The following NR3C2 variants were observed in gnomAD, a reference collection of about 807,000 sequenced individuals.
The protein encoded by NR3C2 is nuclear receptor subfamily 3 group C member 2.
Under a neutral mutation model 86.4 loss-of-function variants are expected in NR3C2, and 15 were observed. The observed-to-expected ratio is 0.17, with a 90% CI of 0.12 to 0.27. The LOEUF is 0.27. Ranked by LOEUF, NR3C2 falls within the 10% of genes least tolerant of loss-of-function variation. The pLI is 1.00. For synonymous variants in NR3C2, 458 were observed against 450.5 expected (o/e 1.02, Z -0.21); for missense variants, 960 against 1,195.6 (o/e 0.80, Z 2.91).
At chr4:148,383,952 G>GAAAA (rs60506239) in intron 2 of NR3C2, among the ~76,000 whole-genome samples, 73 of 120,166 alleles carry the variant, frequency 6.1e-4, no homozygotes, top group Non-Finnish European at 8.5e-4. Context: ...TGTCTCAGGG[G>GAAAA]AAAAAAAAAA....
At chr4:148,286,524 G>C (rs925534051) in intron 2 of NR3C2, among the ~76,000 whole-genome samples, 9 of 152,194 alleles carry the variant, frequency 5.9e-5, no homozygotes, top group African/African-American at 2.2e-4. Context: ...AATTCATTAA[G>C]TAAAATAGCC....
At chr4:148,292,168 T>C in intron 2 of NR3C2, among the ~76,000 whole-genome samples, 1 of 152,028 alleles carries the variant, frequency 6.6e-6, no homozygotes, top group Non-Finnish European at 1.5e-5. Context: ...GTCTTTTTTT[T>C]ATGTTTCCAA....
At chr4:148,142,224 C>G (rs1006348174) in intron 6 of NR3C2, among the ~76,000 whole-genome samples, 2 of 152,152 alleles carry the variant, frequency 1.3e-5, no homozygotes, top group African/African-American at 4.8e-5. Context: ...GCTGGCAATG[C>G]AAAGGTAAAT....
intron 8 of NR3C2, among the ~76,000 whole-genome samples, chr4:148,110,043 A>G (rs1469895493): frequency 2.0e-5 from 3 of 152,242 alleles, no homozygotes; most frequent in African/African-American, 7.2e-5. Flanking sequence ...TTTCTAGTAG[A>G]GTAAGGATTC....
rs1002691763 is a variant in NR3C2 at position 148,135,648 on chromosome 4, C to T, written c.2511-15360G>A. 2.0e-5 allele frequency among the ~76,000 whole-genome samples: 3 copies of T among 151,966 alleles called. No homozygotes were observed. The South Asian group carries it at 6.2e-4, about 32-fold the overall frequency. ...TCATTCCTCTGAGTAATTTCTGCAA[C>T]TGAAATTTCACTGATTTTAAGACCA... is the stretch of plus-strand genomic sequence containing the variant. On this transcript the variant is annotated intron_variant, in intron 6 of 8. Transcript: ENST00000358102.
At chr4:148,434,721 C>T (rs1749953450) in intron 2 of NR3C2, among the ~76,000 whole-genome samples, 1 of 152,034 alleles carries the variant, frequency 6.6e-6, no homozygotes, top group African/African-American at 2.4e-5. Context: ...CACAAATAAA[C>T]TAACTTAAAG....
At chr4:148,089,810 G>A (rs932474299) in intron 8 of NR3C2, among the ~76,000 whole-genome samples, 15 of 152,264 alleles carry the variant, frequency 9.9e-5, no homozygotes, top group Non-Finnish European at 1.6e-4. Flanking sequence ...CAACTGCTGG[G>A]TGGGGATGCT....
intron 4 of NR3C2, among the ~76,000 whole-genome samples, chr4:148,172,318 T>C (rs1735165025): frequency 1.3e-5 from 2 of 152,130 alleles, no homozygotes; most frequent in African/African-American, 4.8e-5. Context: ...TTTAGTTAAG[T>C]AAGCATAATC....
chr4:148,239,011 C>T (rs1214977297), intron 3 of NR3C2, among the ~76,000 whole-genome samples: 1 of 152,124 alleles, frequency 6.6e-6, no homozygotes, highest in Non-Finnish European at 1.5e-5. Context: ...GCCCAACAGA[C>T]AGATGGGAGA....
At chr4:148,284,729 A>T (rs993225735) in intron 2 of NR3C2, among the ~76,000 whole-genome samples, 3 of 152,146 alleles carry the variant, frequency 2.0e-5, no homozygotes, top group Non-Finnish European at 4.4e-5. Flanking sequence ...CTGCCATCAG[A>T]TGGCACACTG....
At chr4:148,409,075 T>C (rs1291737555) in intron 2 of NR3C2, among the ~76,000 whole-genome samples, 2 of 152,124 alleles carry the variant, frequency 1.3e-5, no homozygotes, top group Non-Finnish European at 1.5e-5. Context: ...ATTATTCCCC[T>C]AGGATCGTTT....
chr4:148,138,269 GA>G, intron 6 of NR3C2, among the ~76,000 whole-genome samples: 1 of 152,290 alleles, frequency 6.6e-6, no homozygotes, highest in South Asian at 2.1e-4. Flanking sequence ...CATGATATCA[GA>G]AAGGAAGAAA....
In NR3C2 at chr4:148,134,641, CTCTTTTTTTTTT is replaced by C. The variant is rs1487539671; in HGVS notation, c.2511-14365_2511-14354del. 6.6e-5 allele frequency among the ~76,000 whole-genome samples: 4 copies of C among 60,966 alleles called. 1 individual carries two copies. The highest frequency in any genetic ancestry group is 1.1e-3 in the South Asian group (2 of 1,868). The allele number at this position is 60,966 out of a possible 152,430, so 40.0% of individuals were successfully genotyped here. ...TCCCTGTGATTCTCTCTCTCTCTCT[CTCTTTTTTTTTT>C]TTTTTTTTTTTTTTAGAGGGAGTCT... On this transcript the variant is annotated intron_variant, in intron 6 of 8. Transcript: ENST00000358102.
chr4:148,211,883 T>C (rs1212125492), intron 3 of NR3C2, among the ~76,000 whole-genome samples: 1 of 152,220 alleles, frequency 6.6e-6, no homozygotes, highest in Non-Finnish European at 1.5e-5. Context: ...CATCAATTAA[T>C]GGAATTTGTA....
intron 3 of NR3C2, among the ~76,000 whole-genome samples, chr4:148,214,029 T>C (rs1737409026): frequency 6.6e-6 from 1 of 152,158 alleles, no homozygotes; most frequent in African/African-American, 2.4e-5. Flanking sequence ...GTCACAGAGG[T>C]AATGGAGAGA....
Position 148,442,310 on chromosome 4 carries a change from G to A in NR3C2, c.-153C>T, listed in dbSNP as rs1055081132. 1.3e-5 allele frequency: 2 copies of A among 152,486 alleles called. No homozygotes were observed. Among genetic ancestry groups the A allele is most frequent in the African/African-American group, 2.4e-5 (1 of 41,460 alleles). 9.4% of individuals were successfully genotyped at this position (152,486 alleles called of 1,614,324 possible). ...CAGCGGGAGAGCCCGAGGCAGCAAC[G>A]CTCTTGCACCCAGGTGACTGACTGC... On this transcript the variant is annotated 5_prime_UTR_variant, in exon 1 of 9. Coordinates refer to ENST00000358102, the MANE Select transcript of NR3C2 (RefSeq NM_000901.5).
At chr4:148,097,821 ATTC>A (rs1731360885) in intron 8 of NR3C2, among the ~76,000 whole-genome samples, 2 of 149,476 alleles carry the variant, frequency 1.3e-5, no homozygotes, top group South Asian at 2.1e-4. Context: ...GCCCAAGACA[ATTC>A]TTCTTCCAAT....
chr4:148,098,795 G>T (rs1731410342), intron 8 of NR3C2, among the ~76,000 whole-genome samples: 1 of 152,072 alleles, frequency 6.6e-6, no homozygotes, highest in Non-Finnish European at 1.5e-5. Flanking sequence ...TGGTCAATTG[G>T]CATCTTCCTA....
chr4:148,426,408 C>T (rs537341731), intron 2 of NR3C2, among the ~76,000 whole-genome samples: 1 of 152,322 alleles, frequency 6.6e-6, no homozygotes, highest in South Asian at 2.1e-4. Context: ...ATTCTATTCC[C>T]AGCTGTGTTA....
Sources: allele counts gnomAD v4.1 joint callset (sites outside exome capture counted in the v4.1 genomes callset), GRCh38; gene constraint gnomAD v4.1.1; transcripts MANE v1.5; gene names NCBI Gene and HGNC (gene_info 2026-07-23, HGNC 2026-07-21).